The following GLE1 variants were observed in gnomAD, a reference collection of about 807,000 sequenced individuals.
GLE1 encodes the protein GLE1 RNA export mediator, also known as mRNA export factor GLE1.
In GLE1, 78 loss-of-function variants were observed where a neutral mutation model predicts 97.3. The observed-to-expected ratio is 0.80, with a 90% CI of 0.67 to 0.97. The LOEUF is 0.97. Ranked by LOEUF, GLE1 falls within the 50% of genes least tolerant of loss-of-function variation. The pLI is 0.00. For synonymous variants in GLE1, 302 were observed against 313.4 expected, an observed-to-expected ratio of 0.96 and a Z score of 0.39; for missense variants, 753 against 857.5, an observed-to-expected ratio of 0.88 and a Z score of 1.52.
intron 2 of GLE1, among the ~76,000 whole-genome samples, chr9:128,510,353 T>A (rs1030474222): frequency 1.3e-5 from 2 of 151,530 alleles, no homozygotes; most frequent in Non-Finnish European, 2.9e-5. Context: ...CTCAGCCTCC[T>A]GAGCGGCTGG....
At chr9:128,537,453 CA>C (rs57584433) in intron 12 of GLE1, among the ~76,000 whole-genome samples, 528 of 43,956 alleles carry the variant, frequency 0.012, 3 homozygotes, top group African/African-American at 0.038. Flanking sequence ...AACTCTCCCT[CA>C]AAAAAAAAAA....
At chr9:128,536,824 T>C (rs1167559323) in intron 12 of GLE1, 2 of 306,900 alleles carry the variant, frequency 6.5e-6, no homozygotes, top group East Asian at 1.7e-4. Context: ...CTAGATCACA[T>C]ACCTTACTTC....
At chr9:128,539,728 G>A (rs373381010) in intron 14 of GLE1, 30 bp downstream of exon 14, 45 of 1,613,806 alleles carry the variant, frequency 2.8e-5, no homozygotes, top group Non-Finnish European at 3.5e-5. Flanking sequence ...GACAGCAGGG[G>A]ATTAAGTAAC....
At chr9:128,515,105 C>T (rs765796033) in intron 2 of GLE1, among the ~76,000 whole-genome samples, 18 of 152,288 alleles carry the variant, frequency 1.2e-4, no homozygotes, top group Middle Eastern at 6.8e-3. Flanking sequence ...AGGCGTGAGC[C>T]ACCACACCCG....
In GLE1 at chr9:128,525,179, G is replaced by T; in HGVS notation, c.898-13G>T. 6.2e-7 allele frequency: 1 copy of T among 1,604,968 alleles called. No individual in the cohort carries two copies. On this transcript the variant is annotated splice_polypyrimidine_tract_variant and intron_variant, in intron 6 of 15. Coordinates refer to ENST00000309971, the MANE Select transcript of GLE1 (RefSeq NM_001003722.2). Reference sequence around the variant, plus strand: ...GGAATGACCACTAAGCACCATCTCCGTCACTCTGACAGAGCAGCTATCCCA... The same window carrying T: ...GGAATGACCACTAAGCACCATCTCCTTCACTCTGACAGAGCAGCTATCCCA...
At chr9:128,517,560 C>T (rs111645452) in intron 3 of GLE1, among the ~76,000 whole-genome samples, 7 of 152,190 alleles carry the variant, frequency 4.6e-5, no homozygotes, top group African/African-American at 9.6e-5. Context: ...TGGTGAGAAA[C>T]GACTAATTCT....
chr9:128,533,863 A>G lies in GLE1; in HGVS notation c.1558A>G (p.Ile520Val). ...WELHPRVGDL[I>V]LAHLHKKCPY... is the part of the protein sequence containing the mutation. ...GCTCCACCCCAGAGTGGGGGACCTCATTCTTGCTCATCTACATAAGAAGTG... is the reference window on the plus strand; with the variant it reads ...GCTCCACCCCAGAGTGGGGGACCTCGTTCTTGCTCATCTACATAAGAAGTG... Residue 520 changes from isoleucine (I) to valine (V), a missense_variant, in exon 11 of 16, where the codon ATT (isoleucine) becomes GTT (valine). Ile to Val is a conservative substitution (Grantham distance 29). Transcript: ENST00000309971. 6.2e-7 allele frequency: 1 copy of G among 1,613,112 alleles called. No homozygotes were observed. The highest frequency in any genetic ancestry group is 2.2e-5 in the East Asian group (1 of 44,878).
In GLE1 at chr9:128,533,952, G is replaced by T. The variant is rs1847611237; in HGVS notation, c.1646+1G>T. ...GAATGGCTTTGGAAGACTATCAGAGGTAAAGTTGTTTTTCTCCCTACTCAC... is the reference window on the plus strand; with the variant it reads ...GAATGGCTTTGGAAGACTATCAGAGTTAAAGTTGTTTTTCTCCCTACTCAC... On this transcript the variant is annotated splice_donor_variant, in intron 11 of 15. Transcript: ENST00000309971. LOFTEE classifies it high-confidence loss of function. 6.3e-7 allele frequency: 1 copy of T among 1,597,266 alleles called. No homozygotes were observed.
rs759512355 is a variant in GLE1, at chr9:128,523,649, G to A, written c.700G>A (p.Glu234Lys). The A allele has an allele frequency of 5.9e-5, 95 of 1,614,024 alleles. No individual in the cohort carries two copies. Among genetic ancestry groups the A allele is most frequent in the Non-Finnish European group, 7.8e-5 (92 of 1,180,024 alleles). Residue 234 changes from glutamate (E) to lysine (K), a missense_variant, in exon 6 of 16, where the codon GAG becomes AAG. Transcript: ENST00000309971. ...EQQRVKQAEQ[E>K]RLRKEEGQIR... is the part of the protein sequence containing the mutation. ...GCAGCGCGTGAAGCAAGCAGAACAG[G>A]AGCGGCTTCGGAAGGAAGAAGGCCA...
upstream of GLE1, chr9:128,504,696 T>C (rs1376879887): frequency 3.2e-5 from 26 of 804,952 alleles, no homozygotes; most frequent in Non-Finnish European, 4.8e-5. Flanking sequence ...GGCGGGGCTG[T>C]GCTGCGCGCG....
At chr9:128,530,436 A>G (rs1847458367) in intron 9 of GLE1, among the ~76,000 whole-genome samples, 1 of 152,124 alleles carries the variant, frequency 6.6e-6, no homozygotes, top group South Asian at 2.1e-4. Flanking sequence ...ACCACATCGA[A>G]TTAGTCTATA....
chr9:128,527,016 G>A (rs1335218373), intron 7 of GLE1, among the ~76,000 whole-genome samples, 163 bp from the exon 8 acceptor site: 1 of 152,124 alleles, frequency 6.6e-6, no homozygotes, highest in Non-Finnish European at 1.5e-5. Flanking sequence ...TTTTGTGCCT[G>A]TTTCCTTTTC....
intron 9 of GLE1, among the ~76,000 whole-genome samples, chr9:128,529,784 C>G (rs1271012396): frequency 6.6e-6 from 1 of 150,908 alleles, no homozygotes; most frequent in African/African-American, 2.5e-5. Flanking sequence ...TAGGGATCTA[C>G]TCTTTTTTTT....
At chr9:128,511,645 G>A (rs1846827307) in intron 2 of GLE1, among the ~76,000 whole-genome samples, 2 of 151,036 alleles carry the variant, frequency 1.3e-5, no homozygotes, top group South Asian at 4.2e-4. Context: ...GGCAGAGCTT[G>A]CAGTGAGCTG....
Position 128,533,599 on chromosome 9 carries a change from ACACTTAACC to A in GLE1, c.1403_1411del (p.Leu468_Pro470del). The A allele has an allele frequency of 1.2e-6, 2 of 1,614,032 alleles. No homozygotes were observed. Among genetic ancestry groups the A allele is most frequent in the Non-Finnish European group, 1.7e-6 (2 of 1,179,890 alleles). On this transcript the variant is annotated inframe_deletion, in exon 10 of 16. Transcript: ENST00000309971. ...ATCTGGTGGGCGCTCTGTGTCTGTCACACTTAACCCACAGGGGCTGGACTTTGTTCAATA... is the reference window on the plus strand; with the variant it reads ...ATCTGGTGGGCGCTCTGTGTCTGTCACACAGGGGCTGGACTTTGTTCAATA...
intron 11 of GLE1, among the ~76,000 whole-genome samples, chr9:128,535,856 G>A (rs899940018): frequency 6.6e-6 from 1 of 151,126 alleles, no homozygotes; most frequent in African/African-American, 2.4e-5. Flanking sequence ...TGTGCCTGTG[G>A]TCCTAGCTAC....
intron 3 of GLE1, among the ~76,000 whole-genome samples, chr9:128,518,970 C>T (rs1268971907): frequency 6.6e-6 from 1 of 151,898 alleles, no homozygotes; most frequent in Non-Finnish European, 1.5e-5. Flanking sequence ...ATTTCATGGA[C>T]ATTTATTAGT....
At chr9:128,532,017 A>T (rs1324466447) in intron 9 of GLE1, among the ~76,000 whole-genome samples, 1 of 149,920 alleles carries the variant, frequency 6.7e-6, no homozygotes, top group East Asian at 1.9e-4. Flanking sequence ...GCATTCAGCC[A>T]GTGGGGTCCA....
At chr9:128,531,525 C>CAAAAA (rs78169276) in intron 9 of GLE1, among the ~76,000 whole-genome samples, 3 of 92,322 alleles carry the variant, frequency 3.2e-5, no homozygotes, top group East Asian at 3.1e-4. Flanking sequence ...GACTTCATCT[C>CAAAAA]AAAAAAAAAA....
Sources: allele counts gnomAD v4.1 joint callset (sites outside exome capture counted in the v4.1 genomes callset), GRCh38; gene constraint gnomAD v4.1.1; transcripts MANE v1.5; gene names NCBI Gene and HGNC (gene_info 2026-07-23, HGNC 2026-07-21).